TRAM1: variants seen among roughly 807,000 people sequenced by gnomAD.
The protein encoded by TRAM1 is translocation associated membrane protein 1.
TRAM1 carries 17 observed loss-of-function variants against 48.7 expected under a neutral mutation model. The observed-to-expected ratio is 0.35, with a 90% CI of 0.24 to 0.52. The LOEUF (loss-of-function observed/expected upper bound fraction) is 0.52. Ranked by LOEUF, TRAM1 falls within the 20% of genes least tolerant of loss-of-function variation. TRAM1 has a pLI of 0.94. For synonymous variants in TRAM1, 182 were observed against 154.0 expected (o/e 1.18, Z -1.34); for missense variants, 351 against 441.5 (o/e 0.79, Z 1.84).
chr8:70,601,150 C>T (rs1471005876), intron 1 of TRAM1, among the ~76,000 whole-genome samples: 1 of 152,126 alleles, frequency 6.6e-6, no homozygotes, highest in Non-Finnish European at 1.5e-5. Flanking sequence ...CAGATCCATT[C>T]TCCATATTGC....
At position 70,597,877 on chromosome 8, in the gene TRAM1, C is replaced by G; in HGVS notation, c.426+18G>C. 1 of 1,552,904 alleles carries G rather than the reference C, an allele frequency of 6.4e-7. No individual in the cohort carries two copies. The highest frequency in any genetic ancestry group is 8.8e-7 in the Non-Finnish European group (1 of 1,140,792). ...TTAGATAAGGAAGGAGAACAACAAC[C>G]TAAGAGGACATACTTACAGAGATGA... On this transcript the variant is annotated intron_variant, in intron 4 of 10. Coordinates refer to ENST00000262213, the MANE Select transcript of TRAM1 (RefSeq NM_014294.6).
intron 6 of TRAM1, among the ~76,000 whole-genome samples, chr8:70,594,229 T>C (rs1430861751): frequency 6.6e-6 from 1 of 151,450 alleles, no homozygotes; most frequent in African/African-American, 2.4e-5. Context: ...TTAATTTACA[T>C]TACCACTAAC....
chr8:70,603,649 G>A (rs989015411), intron 1 of TRAM1, among the ~76,000 whole-genome samples: 3 of 152,150 alleles, frequency 2.0e-5, no homozygotes, highest in South Asian at 2.1e-4. Flanking sequence ...CCCAGGAGGC[G>A]GAGGGTGCAG....
intron 6 of TRAM1, among the ~76,000 whole-genome samples, chr8:70,592,156 G>A (rs1817379942): frequency 6.6e-6 from 1 of 152,090 alleles, no homozygotes; most frequent in Non-Finnish European, 1.5e-5. Flanking sequence ...ATATATTCAA[G>A]CTGTCTACGA....
intron 6 of TRAM1, among the ~76,000 whole-genome samples, chr8:70,593,116 T>C (rs1817404206): frequency 6.6e-6 from 1 of 152,134 alleles, no homozygotes. Flanking sequence ...TCAATATAGC[T>C]GGAGAAACAA....
intron 10 of TRAM1, among the ~76,000 whole-genome samples, chr8:70,575,686 G>A (rs918717597): frequency 2.0e-4 from 30 of 152,172 alleles, no homozygotes; most frequent in African/African-American, 7.2e-4. Context: ...GGATGTTTGA[G>A]GCGGGGGCAA....
chr8:70,604,071 C>T (rs569486750), intron 1 of TRAM1, among the ~76,000 whole-genome samples: 5 of 152,120 alleles, frequency 3.3e-5, no homozygotes, highest in African/African-American at 9.6e-5. Context: ...ATAATGCACT[C>T]GAAAGTAAAA....
chr8:70,582,733 A>C (rs1817107859), intron 10 of TRAM1, among the ~76,000 whole-genome samples: 1 of 152,164 alleles, frequency 6.6e-6, no homozygotes, highest in Non-Finnish European at 1.5e-5. Context: ...GAAGGCTTTA[A>C]AGACAAAGAA....
At chr8:70,593,420 T>G (rs1389340689) in intron 6 of TRAM1, among the ~76,000 whole-genome samples, 1 of 151,534 alleles carries the variant, frequency 6.6e-6, no homozygotes, top group Non-Finnish European at 1.5e-5. Flanking sequence ...AAAAAGAAAT[T>G]TTAAATGCGG....
Position 70,597,948 on chromosome 8 carries a change from G to T in TRAM1, c.373C>A (p.Leu125Ile), listed in dbSNP as rs1336517488. ...CAGGCAAAAAGGTAGAACGCACTAA[G>T]CTGACCAGATTCATTAAACTTGCTG... ...KHSKFNESGQ[L>I]SAFYLFACVW... The change falls in exon 4 of 11, where the codon CTT becomes ATT. Residue 125 changes from leucine (L) to isoleucine (I), a missense_variant. Physicochemically the swap from Leu to Ile is conservative, Grantham distance 5. Coordinates refer to ENST00000262213, the MANE Select transcript of TRAM1 (RefSeq NM_014294.6). 1.9e-6 allele frequency: 3 copies of T among 1,603,186 alleles called. No homozygotes were observed. In the South Asian group the frequency reaches 3.4e-5, roughly 18 times the overall value.
Position 70,598,184 on chromosome 8 carries a change from T to C in TRAM1, c.259A>G (p.Met87Val). The change falls in exon 3 of 11, where the codon ATG (methionine) becomes GTG (valine). Residue 87 changes from methionine (M) to valine (V), a missense_variant. By Grantham distance (21) the Met-to-Val change is conservative (BLOSUM62 1). Transcript: ENST00000262213. ...IKDLATVFFY[M>V]LVAIIIHAVI... ...GCATGAATAATTATCGCCACTAGCA[T>C]GTAGAAGAAAACAGTAGCCAAATCT... 1.2e-6 allele frequency: 2 copies of C among 1,613,406 alleles called. No individual in the cohort carries two copies. Among genetic ancestry groups the C allele is most frequent in the Non-Finnish European group, 1.7e-6 (2 of 1,179,694 alleles).
At chr8:70,599,669 T>G (rs900459025) in intron 2 of TRAM1, among the ~76,000 whole-genome samples, 1 of 152,234 alleles carries the variant, frequency 6.6e-6, no homozygotes, top group Non-Finnish European at 1.5e-5. Context: ...AATCTGCCAT[T>G]GTGCTTTTAG....
intron 5 of TRAM1, among the ~76,000 whole-genome samples, chr8:70,595,636 G>C (rs887755075): frequency 5.9e-5 from 9 of 152,140 alleles, no homozygotes; most frequent in Non-Finnish European, 1.3e-4. Context: ...ACAAAAATGA[G>C]ACAATTATAG....
chr8:70,606,471 T>C (rs1817721790), intron 1 of TRAM1, among the ~76,000 whole-genome samples: 1 of 152,224 alleles, frequency 6.6e-6, no homozygotes. Flanking sequence ...GTTGGGATGT[T>C]TACAGGCATA....
chr8:70,599,586 A>G (rs896647262), intron 2 of TRAM1, among the ~76,000 whole-genome samples: 112 of 152,378 alleles, frequency 7.4e-4, no homozygotes, highest in African/African-American at 2.5e-3. Context: ...AGTAGAGCAC[A>G]GGAAAAAGTG....
chr8:70,589,737 C>A (rs373378106), intron 6 of TRAM1, among the ~76,000 whole-genome samples: 33 of 152,152 alleles, frequency 2.2e-4, no homozygotes, highest in Middle Eastern at 3.4e-3. Flanking sequence ...ACTTGGGAGG[C>A]TGAAGTAGTA....
At chr8:70,600,829 G>A (rs956646823) in intron 1 of TRAM1, among the ~76,000 whole-genome samples, 1 of 152,128 alleles carries the variant, frequency 6.6e-6, no homozygotes, top group African/African-American at 2.4e-5. Flanking sequence ...AAATGAAGGA[G>A]CTGTGTTTTG....
chr8:70,575,424 G>A (rs992773889), intron 10 of TRAM1, among the ~76,000 whole-genome samples: 2 of 152,052 alleles, frequency 1.3e-5, no homozygotes, highest in African/African-American at 2.4e-5. Flanking sequence ...ATTTATTTAT[G>A]TTACTGTTGT....
intron 1 of TRAM1, chr8:70,607,578 C>G: frequency 1.3e-6 from 1 of 760,970 alleles, no homozygotes; most frequent in African/African-American, 1.9e-5. Flanking sequence ...CTGTGGTCTC[C>G]AGGCCGGCAC....
Sources: allele counts gnomAD v4.1 joint callset (sites outside exome capture counted in the v4.1 genomes callset), GRCh38; gene constraint gnomAD v4.1.1; transcripts MANE v1.5; gene names NCBI Gene and HGNC (gene_info 2026-07-23, HGNC 2026-07-21).